The following ZMYND19 variants were observed in gnomAD, a reference collection of about 807,000 sequenced individuals.
The protein encoded by ZMYND19 is zinc finger MYND domain-containing protein 19.
In ZMYND19, 17 loss-of-function variants were observed where a neutral mutation model predicts 32.0. That is an observed-to-expected ratio of 0.53 (90% CI 0.36 to 0.80). The LOEUF (loss-of-function observed/expected upper bound fraction) is 0.80. ZMYND19 is among the 30% of genes least tolerant of loss of function. The pLI, the probability that ZMYND19 is intolerant of heterozygous loss-of-function variation, is 0.00. For synonymous variants in ZMYND19, 124 were observed against 113.6 expected, an observed-to-expected ratio of 1.09 and a Z score of -0.58; for missense variants, 250 against 293.6, an observed-to-expected ratio of 0.85 and a Z score of 1.09.
In ZMYND19 at chr9:137,589,681, G is replaced by A. The variant is rs115062061; in HGVS notation, c.51+532C>T. On this transcript the variant is annotated intron_variant, in intron 1 of 5. Coordinates refer to ENST00000298585, the MANE Select transcript of ZMYND19 (RefSeq NM_138462.3). ...CTCTCTGCTCCGAGTCTGAGGCTCA[G>A]CCTAACGTGGCCAACCCCTGGCAGC... is the stretch of plus-strand genomic sequence containing the variant. The A allele has an allele frequency of 1.1e-3, 1,091 of 985,462 alleles. 15 individuals are homozygous for A. In the African/African-American group the frequency reaches 0.018, roughly 16 times the overall value. The allele number at this position is 985,462 out of a possible 1,614,324, so 61.0% of individuals were successfully genotyped here.
chr9:137,586,841 C>T (rs1394214020), intron 4 of ZMYND19, 126 bp downstream of exon 4: 21 of 1,327,146 alleles, frequency 1.6e-5, no homozygotes, highest in Non-Finnish European at 2.2e-5. Flanking sequence ...AATGAAATTC[C>T]CAAAATACAC....
chr9:137,590,263 TG>T lies in ZMYND19; in HGVS notation c.-1del. On this transcript the variant is annotated 5_prime_UTR_variant, in exon 1 of 6. Coordinates refer to ENST00000298585, the MANE Select transcript of ZMYND19 (RefSeq NM_138462.3). This position sits in a 1 kb window ranked among gnomAD's most constrained non-coding sequence, Gnocchi z 4.2. ...ACGATACCCAATTTGAAGTCGGTCATGGCCGGGCCTGCGCTCTCGGCCGGCA... is the reference window on the plus strand; with the variant it reads ...ACGATACCCAATTTGAAGTCGGTCATGCCGGGCCTGCGCTCTCGGCCGGCA... 8.9e-7 allele frequency: 1 copy of T among 1,128,902 alleles called. No individual in the cohort carries two copies. The highest frequency in any genetic ancestry group is 1.1e-6 in the Non-Finnish European group (1 of 909,852). The allele number at this position is 1,128,902 out of a possible 1,614,324, so 69.9% of individuals were successfully genotyped here.
intron 3 of ZMYND19, 148 bp from the exon 4 acceptor site, chr9:137,587,255 C>G (rs1232493098): frequency 7.5e-7 from 1 of 1,336,878 alleles, no homozygotes; most frequent in African/African-American, 1.5e-5. Context: ...ATGAGGGTAC[C>G]TCAGGCGGAA....
At position 137,590,341 on chromosome 9, in the gene ZMYND19, C is replaced by A. The variant is rs1255239561; in HGVS notation, c.-78G>T. 2 of 933,818 alleles carry A rather than the reference C, an allele frequency of 2.1e-6. No homozygotes were observed. The highest frequency in any genetic ancestry group is 2.6e-6 in the Non-Finnish European group (2 of 779,984). The allele number at this position is 933,818 out of a possible 1,614,324, so 57.8% of individuals were successfully genotyped here. A position where few individuals can be genotyped will look rare whatever the true frequency, so the allele number is the denominator to read the frequency against. Reference sequence around the variant, plus strand: ...CGGGGGCCGGGGCGAGGCCGCGGCGCGCCGGGACAGGACGGGACCGGAGCC... The same window carrying A: ...CGGGGGCCGGGGCGAGGCCGCGGCGAGCCGGGACAGGACGGGACCGGAGCC... On this transcript the variant is annotated 5_prime_UTR_variant, in exon 1 of 6. Coordinates refer to ENST00000298585, the MANE Select transcript of ZMYND19 (RefSeq NM_138462.3). The surrounding 1 kb of genome is among the most constrained non-coding windows in gnomAD (Gnocchi z 4.2).
intron 4 of ZMYND19, among the ~76,000 whole-genome samples, chr9:137,585,955 T>C (rs1371961712): frequency 1.3e-5 from 2 of 152,232 alleles, no homozygotes; most frequent in Non-Finnish European, 2.9e-5. Context: ...CAGGGGAACA[T>C]GTCAGTGAAG....
intron 3 of ZMYND19, 162 bp from the exon 4 acceptor site, chr9:137,587,269 G>A (rs1050324183): frequency 1.3e-5 from 16 of 1,216,938 alleles, no homozygotes; most frequent in African/African-American, 1.5e-5. Context: ...GGCGGAAGCT[G>A]CTGAGAGAAA....
intron 2 of ZMYND19, 143 bp from the exon 3 acceptor site, chr9:137,587,966 G>A: frequency 1.3e-6 from 1 of 793,926 alleles, no homozygotes; most frequent in South Asian, 1.5e-5. Context: ...GGAGTGCAGA[G>A]CTTCCCACAG....
chr9:137,587,859 C>T, intron 2 of ZMYND19, 36 bp from the exon 3 acceptor site: 2 of 1,592,272 alleles, frequency 1.3e-6, no homozygotes, highest in Non-Finnish European at 1.7e-6. Flanking sequence ...GTTAAAAAAC[C>T]TCCAATTCTC....
At chr9:137,588,026 G>A (rs965501422) in intron 2 of ZMYND19, among the ~76,000 whole-genome samples, 2 of 152,164 alleles carry the variant, frequency 1.3e-5, no homozygotes, top group African/African-American at 2.4e-5. Context: ...CTGTCTATTC[G>A]AGCAAGAAAC....
At chr9:137,584,526 A>AC (rs1397110051) in intron 4 of ZMYND19, among the ~76,000 whole-genome samples, 2 of 152,150 alleles carry the variant, frequency 1.3e-5, no homozygotes, top group Admixed American at 6.5e-5. Context: ...GGCTGAAATG[A>AC]CCCGCACCAT....
At position 137,586,951 on chromosome 9, in the gene ZMYND19, C is replaced by G. The variant is rs753996054; in HGVS notation, c.359+16G>C. 11 of 1,611,214 alleles carry G rather than the reference C, an allele frequency of 6.8e-6. No individual in the cohort carries two copies. The highest frequency in any genetic ancestry group is 9.3e-6 in the Non-Finnish European group (11 of 1,179,864). ...AGGCGCCTCTGCTGGCATCGCCAGG[C>G]CCTGAGAAGACCCACCTCTGCTTGC... On this transcript the variant is annotated intron_variant, in intron 4 of 5. Transcript: ENST00000298585.
intron 4 of ZMYND19, 138 bp from the exon 5 acceptor site, chr9:137,583,301 G>T: frequency 2.3e-6 from 2 of 853,498 alleles, no homozygotes; most frequent in Non-Finnish European, 3.7e-6. Context: ...GCCCATCCCT[G>T]CTGCATGTGC....
rs577520966 is a variant in ZMYND19 at position 137,584,154 on chromosome 9, G to A, written c.360-991C>T. 3.9e-5 allele frequency among the ~76,000 whole-genome samples: 6 copies of A among 152,372 alleles called. No individual in the cohort carries two copies. In the East Asian group the frequency reaches 5.8e-4, roughly 15 times the overall value. On this transcript the variant is annotated intron_variant, in intron 4 of 5. Coordinates refer to ENST00000298585, the MANE Select transcript of ZMYND19 (RefSeq NM_138462.3). ...CACTGGCCAGCTCTGACTTCTGCTC[G>A]GGGCCTGGGGTGCTGACCCAGCACA...
rs1432696479 is a variant in ZMYND19, at chr9:137,582,120, C to G, written c.*423G>C. On this transcript the variant is annotated 3_prime_UTR_variant, in exon 6 of 6. Transcript: ENST00000298585. The stretch of plus-strand genomic sequence containing the variant: ...TACTTTGCCTTTGTGGACACAACTC[C>G]CGTGCAGGCCGCGCTCCACGGGGCT... The G allele has an allele frequency of 6.2e-6, 1 of 160,712 alleles. No homozygotes were observed. The highest frequency in any genetic ancestry group is 6.2e-5 in the Admixed American group (1 of 16,102). 10.0% of individuals were successfully genotyped at this position (160,712 alleles called of 1,614,324 possible). A position where few individuals can be genotyped will look rare whatever the true frequency, so the allele number is the denominator to read the frequency against.
intron 4 of ZMYND19, among the ~76,000 whole-genome samples, chr9:137,584,408 G>A (rs567195251): frequency 3.9e-5 from 6 of 152,348 alleles, no homozygotes; most frequent in Admixed American, 2.6e-4. Context: ...TTTCCAAACG[G>A]CTGTTCTTAA....
In ZMYND19 at chr9:137,589,240, C is replaced by T. The variant is rs530253095; in HGVS notation, c.52-522G>A. On this transcript the variant is annotated intron_variant, in intron 1 of 5. Coordinates refer to ENST00000298585, the MANE Select transcript of ZMYND19 (RefSeq NM_138462.3). ...GGTGGAGTTAGAAGGGGTCTCTGGT[C>T]TCCGACCTGACTGGAGAGCCCACCC... is the stretch of plus-strand genomic sequence containing the variant. 9 of 704,906 alleles carry T rather than the reference C, an allele frequency of 1.3e-5. No individual in the cohort carries two copies. The African/African-American group carries it at 1.7e-4, about 14-fold the overall frequency. 43.7% of individuals were successfully genotyped at this position (704,906 alleles called of 1,614,324 possible).
At chr9:137,586,914 G>A in intron 4 of ZMYND19, 53 bp downstream of exon 4, 2 of 1,605,012 alleles carry the variant, frequency 1.2e-6, no homozygotes, top group South Asian at 2.2e-5. Flanking sequence ...TTTGGCGGTG[G>A]CCCTCCTCAA....
chr9:137,589,357 A>T, intron 1 of ZMYND19: 2 of 985,418 alleles, frequency 2.0e-6, no homozygotes, highest in Non-Finnish European at 2.4e-6. Context: ...AGAACGGGCC[A>T]GTCTCCCTCT....
In ZMYND19 at chr9:137,582,519, G is replaced by C. The variant is rs540589577; in HGVS notation, c.*24C>G. The C allele has an allele frequency of 4.2e-5, 68 of 1,602,962 alleles. No homozygotes were observed. In the African/African-American group the frequency reaches 7.5e-4, roughly 18 times the overall value. ...GCCCAGGGTAGAGCCCGGGGGCTGT[G>C]AGTATGTGTGGCTCCCCTGCCCGTC... On this transcript the variant is annotated 3_prime_UTR_variant, in exon 6 of 6. Coordinates refer to ENST00000298585, the MANE Select transcript of ZMYND19 (RefSeq NM_138462.3).
Sources: gnomAD v4.1 joint callset for allele counts (sites outside exome capture counted in the v4.1 genomes callset) on GRCh38, gnomAD v4.1.1 for gene constraint, Gnocchi (gnomAD v3.1) non-coding constraint, MANE v1.5 for transcripts, NCBI Gene and HGNC (gene_info 2026-07-23, HGNC 2026-07-21) for gene names.